Variants in B9D1 observed in about 807,000 individuals in gnomAD.
B9D1 encodes B9 domain containing 1.
B9D1 carries 20 observed loss-of-function variants against 26.1 expected under a neutral mutation model. The observed-to-expected ratio is 0.77, with a 90% confidence interval of 0.54 to 1.12. B9D1 has a LOEUF of 1.12. Among genes scored for constraint, B9D1 ranks in the 50% most tolerant of loss-of-function variants. The pLI is 0.00. For missense variants in B9D1, 260 were observed against 273.7 expected, an observed-to-expected ratio of 0.95 and a Z score of 0.35; for synonymous variants, 105 against 103.1, an observed-to-expected ratio of 1.02 and a Z score of -0.11.
At position 19,362,561 on chromosome 17, in the gene B9D1, G is replaced by A. The variant is rs749611797; in HGVS notation, c.9C>T (p.Thr3=). The A allele has an allele frequency of 1.3e-6, 2 of 1,589,248 alleles. No homozygotes were observed. Among genetic ancestry groups the A allele is most frequent in the Non-Finnish European group, 8.6e-7 (1 of 1,167,704 alleles). MA[T]ASPSVFLLMV... Reference sequence around the variant, plus strand: ...TGAGTAGAAAGACGCTAGGACTCGCGGTCGCCATGGCAGGTCTGGGGGTGC... The same window carrying A: ...TGAGTAGAAAGACGCTAGGACTCGCAGTCGCCATGGCAGGTCTGGGGGTGC... Residue 3 remains threonine (T), a synonymous_variant, in exon 1 of 7, where the codon ACC becomes ACT. Transcript: ENST00000261499.
At chr17:19,339,409 A>G (rs1034193331), downstream of B9D1, among the ~76,000 whole-genome samples, 5 of 152,156 alleles carry the variant, frequency 3.3e-5, no homozygotes, top group African/African-American at 9.7e-5. Context: ...TGAGAGTCTT[A>G]GCAAATGTCT....
chr17:19,344,127 CTGGCTTCCATGGGTT>C (rs1908376686), intron 5 of B9D1, among the ~76,000 whole-genome samples: 1 of 152,238 alleles, frequency 6.6e-6, no homozygotes, highest in Non-Finnish European at 1.5e-5. Flanking sequence ...TTTTCCATCT[CTGGCTTCCATGGGTT>C]TGGTTCACTG....
intron 3 of B9D1, among the ~76,000 whole-genome samples, chr17:19,353,738 C>T (rs535121458): frequency 9.9e-5 from 15 of 152,092 alleles, no homozygotes; most frequent in South Asian, 4.1e-4. Flanking sequence ...GTCAGGAGTT[C>T]GAGACCAGCA....
intron 1 of B9D1, among the ~76,000 whole-genome samples, chr17:19,376,913 G>A (rs1912156637): frequency 6.6e-6 from 1 of 152,098 alleles, no homozygotes; most frequent in Non-Finnish European, 1.5e-5. Context: ...AATAACTCTT[G>A]TAACCAACTG....
intron 3 of B9D1, among the ~76,000 whole-genome samples, chr17:19,349,155 C>G (rs573986596): frequency 2.6e-5 from 4 of 152,316 alleles, no homozygotes; most frequent in Middle Eastern, 3.4e-3. Context: ...CTGTACCTCA[C>G]GAAAACATGG....
chr17:19,347,696 T>C lies in B9D1; in HGVS notation c.341+88A>G. On this transcript the variant is annotated intron_variant, in intron 4 of 6. Coordinates refer to ENST00000261499, the MANE Select transcript of B9D1 (RefSeq NM_015681.6). The surrounding 1 kb of genome is among the most constrained non-coding windows in gnomAD (Gnocchi z 4.3). Reference sequence around the variant, plus strand: ...CCAGGCCCCTGGAGACCCCAGAGCATTCCCAGCCTGAACCTAAGACAGAAA... The same window carrying C: ...CCAGGCCCCTGGAGACCCCAGAGCACTCCCAGCCTGAACCTAAGACAGAAA... 7.4e-7 allele frequency: 1 copy of C among 1,347,230 alleles called. No homozygotes were observed. Among genetic ancestry groups the C allele is most frequent in the Non-Finnish European group, 1.0e-6 (1 of 958,340 alleles). 83.5% of individuals were successfully genotyped at this position (1,347,230 alleles called of 1,614,324 possible).
chr17:19,342,320 A>G (rs1432753366), downstream of B9D1, among the ~76,000 whole-genome samples: 1 of 152,160 alleles, frequency 6.6e-6, no homozygotes, highest in East Asian at 1.9e-4. Flanking sequence ...TGCTCGTGAG[A>G]TAAAAGGCAG....
chr17:19,350,357 C>T (rs986979498), intron 3 of B9D1, among the ~76,000 whole-genome samples: 1 of 151,998 alleles, frequency 6.6e-6, no homozygotes, highest in Non-Finnish European at 1.5e-5. Flanking sequence ...AACAGCCTGG[C>T]CAACATGGTG....
At chr17:19,351,926 C>T (rs141573004) in intron 3 of B9D1, among the ~76,000 whole-genome samples, 301 of 152,216 alleles carry the variant, frequency 2.0e-3, no homozygotes, top group African/African-American at 6.6e-3. Flanking sequence ...AGCGCTGGCA[C>T]CCAGGCTGGA....
chr17:19,362,923 C>T (rs1911331691), upstream of B9D1: 1 of 389,828 alleles, frequency 2.6e-6, no homozygotes, highest in Non-Finnish European at 4.9e-6. Context: ...GGCCCGGCTC[C>T]CCGTCCCCGC....
At chr17:19,360,240 TG>T in intron 2 of B9D1, 79 bp downstream of exon 2, 1 of 1,311,046 alleles carries the variant, frequency 7.6e-7, no homozygotes, top group Non-Finnish European at 1.1e-6. Flanking sequence ...TTGTTCTGAA[TG>T]GGGAGGGGAA....
chr17:19,355,076 G>A (rs2152271010), intron 3 of B9D1, among the ~76,000 whole-genome samples: 1 of 152,102 alleles, frequency 6.6e-6, no homozygotes, highest in Admixed American at 6.5e-5. Context: ...AGTATTCTCT[G>A]TCTCCTACCT....
At chr17:19,335,567 G>A (rs1008445313), downstream of B9D1, 31 of 1,256,498 alleles carry the variant, frequency 2.5e-5, no homozygotes, top group Non-Finnish European at 3.3e-5. Flanking sequence ...GGGGTGGGGG[G>A]TGCTTCTGTG....
chr17:19,362,507 C>A lies in B9D1; in HGVS notation c.63G>T (p.Gln21His). The A allele has an allele frequency of 1.0e-5, 16 of 1,568,450 alleles. No homozygotes were observed. The highest frequency in any genetic ancestry group is 1.4e-5 in the Non-Finnish European group (16 of 1,156,930). ...CCCGGCGGGGTCCACGGCCGCTCAC[C>A]TGGGCGCTCTCCACCTGCCCGTTGA... ...LMVNGQVESA[Q>H]FPEYDDLYCK... is the part of the protein sequence containing the mutation. Residue 21 changes from glutamine (Q) to histidine (H), a missense_variant and splice_region_variant, in exon 1 of 7, where the codon CAG (glutamine) becomes CAT (histidine). Physicochemically the swap from Gln to His is conservative, Grantham distance 24. Transcript: ENST00000261499.
At chr17:19,366,094 C>A (rs543125981), upstream of B9D1, among the ~76,000 whole-genome samples, 2 of 152,046 alleles carry the variant, frequency 1.3e-5, no homozygotes, top group East Asian at 3.9e-4. Context: ...AGTCTGCTCC[C>A]CACTTCCCAC....
downstream of B9D1, among the ~76,000 whole-genome samples, chr17:19,336,883 C>G (rs1451461707): frequency 6.6e-6 from 1 of 152,184 alleles, no homozygotes; most frequent in Non-Finnish European, 1.5e-5. Flanking sequence ...GCCCCTGAAC[C>G]TCAGGGAAAG....
intron 6 of B9D1, 98 bp downstream of exon 6, chr17:19,343,692 C>A (rs779232134): frequency 2.9e-5 from 46 of 1,612,014 alleles, no homozygotes; most frequent in Non-Finnish European, 3.9e-5. Flanking sequence ...TCCTATGTGC[C>A]TGGCAGGTCC....
At chr17:19,342,887 T>G (rs1223638155), downstream of B9D1, among the ~76,000 whole-genome samples, 1 of 152,192 alleles carries the variant, frequency 6.6e-6, no homozygotes, top group Non-Finnish European at 1.5e-5. Flanking sequence ...GAACGGGTGA[T>G]TCTACTTAAC....
chr17:19,341,500 C>T (rs181794419), downstream of B9D1, among the ~76,000 whole-genome samples: 36 of 152,328 alleles, frequency 2.4e-4, no homozygotes, highest in Admixed American at 1.3e-3. Flanking sequence ...CTGTATCTCC[C>T]ACACACCTGA....
Sources: gnomAD v4.1 joint callset for allele counts (sites outside exome capture counted in the v4.1 genomes callset) on GRCh38, gnomAD v4.1.1 for gene constraint, Gnocchi (gnomAD v3.1) non-coding constraint, MANE v1.5 for transcripts, NCBI Gene and HGNC (gene_info 2026-07-23, HGNC 2026-07-21) for gene names.